RIPK2: variants seen among roughly 807,000 people sequenced by gnomAD.
The protein encoded by RIPK2 is receptor-interacting serine/threonine-protein kinase 2.
In RIPK2, 38 loss-of-function variants were observed where a neutral mutation model predicts 60.9. The observed-to-expected ratio is 0.62, with a 90% CI of 0.48 to 0.82. The LOEUF (loss-of-function observed/expected upper bound fraction) is 0.82, where lower values mean the gene tolerates loss of function less well. Among genes scored for constraint, RIPK2 ranks in the 40% least tolerant of loss-of-function variants. The probability of loss-of-function intolerance (pLI) is 0.00; values close to 1 mark genes in which losing one functional copy is unlikely to be tolerated. For synonymous variants in RIPK2, 225 were observed against 223.4 expected (o/e 1.01, Z -0.06); for missense variants, 518 against 647.0 (o/e 0.80, Z 2.16).
In RIPK2 at chr8:89,791,019, C is replaced by T. The variant is rs201173525; in HGVS notation, c.*603C>T. The T allele has an allele frequency of 1.3e-5, 2 of 152,154 alleles. No homozygotes were observed. Among genetic ancestry groups the T allele is most frequent in the Non-Finnish European group, 2.9e-5 (2 of 68,022 alleles). 9.4% of individuals were successfully genotyped at this position (152,154 alleles called of 1,614,324 possible). A position where few individuals can be genotyped will look rare whatever the true frequency, so the allele number is the denominator to read the frequency against. ...CCATTTTTAACCTCAGCCTTCCCTA[C>T]TGTCACCAACAACCAAGCTAAATAA... is the stretch of plus-strand genomic sequence containing the variant. On this transcript the variant is annotated 3_prime_UTR_variant, in exon 11 of 11. Coordinates refer to ENST00000220751, the MANE Select transcript of RIPK2 (RefSeq NM_003821.6).
chr8:89,780,141 T>G lies in RIPK2; in HGVS notation c.920T>G (p.Ile307Ser). The G allele has an allele frequency of 6.4e-7, 1 of 1,563,164 alleles. No homozygotes were observed. The change falls in exon 7 of 11, where the codon ATT (isoleucine) becomes AGT (serine). Residue 307 changes from isoleucine (I) to serine (S), a missense_variant. Physicochemically the swap from Ile to Ser is moderately radical, Grantham distance 142. Transcript: ENST00000220751. ...GAGATAACTTTTCTTGAAGCTGTTATTCAGCTAAAGAAAACAAAGGTAAGT... is the reference window on the plus strand; with the variant it reads ...GAGATAACTTTTCTTGAAGCTGTTAGTCAGCTAAAGAAAACAAAGGTAAGT... ...FEEITFLEAVIQLKKTKLQSV... is the reference protein window; with the variant it reads ...FEEITFLEAVSQLKKTKLQSV...
At position 89,757,882 on chromosome 8, in the gene RIPK2, G is replaced by C. The variant is rs1477117929; in HGVS notation, c.-179G>C. The C allele has an allele frequency of 2.9e-6, 4 of 1,368,754 alleles. No homozygotes were observed. The highest frequency in any genetic ancestry group is 3.8e-6 in the Non-Finnish European group (4 of 1,062,518). The allele number at this position is 1,368,754 out of a possible 1,614,324, so 84.8% of individuals were successfully genotyped here. ...AAGTCAGCTCTGGTTCGGAGAAGCA[G>C]CGGCTGGCGTGGGCCATCCGGGGAA... On this transcript the variant is annotated 5_prime_UTR_variant, in exon 1 of 11. Coordinates refer to ENST00000220751, the MANE Select transcript of RIPK2 (RefSeq NM_003821.6).
intron 6 of RIPK2, among the ~76,000 whole-genome samples, chr8:89,776,457 A>G (rs1028315268): frequency 2.0e-5 from 3 of 152,212 alleles, no homozygotes; most frequent in African/African-American, 7.2e-5. Flanking sequence ...AAAACCAAGG[A>G]ATTTTAAAAT....
chr8:89,784,071 A>G lies in RIPK2; in HGVS notation c.961A>G (p.Ile321Val), dbSNP rs1347847534. The change falls in exon 8 of 11, where the codon ATT (isoleucine) becomes GTT (valine). Residue 321 changes from isoleucine (I) to valine (V), a missense_variant. Coordinates refer to ENST00000220751, the MANE Select transcript of RIPK2 (RefSeq NM_003821.6). Reference sequence around the variant, plus strand: ...ACAGTTACAGAGTGTTTCAAGTGCCATTCACCTATGTGACAAGAAGAAAAT... The same window carrying G: ...ACAGTTACAGAGTGTTTCAAGTGCCGTTCACCTATGTGACAAGAAGAAAAT... ...KTKLQSVSSAIHLCDKKKMEL... is the reference protein window; with the variant it reads ...KTKLQSVSSAVHLCDKKKMEL... 1.3e-6 allele frequency: 2 copies of G among 1,583,558 alleles called. No homozygotes were observed. Among genetic ancestry groups the G allele is most frequent in the Non-Finnish European group, 1.7e-6 (2 of 1,160,140 alleles).
chr8:89,759,786 T>G (rs1563608546), intron 1 of RIPK2, among the ~76,000 whole-genome samples: 1 of 152,200 alleles, frequency 6.6e-6, no homozygotes, highest in Non-Finnish European at 1.5e-5. Context: ...AAACACTATA[T>G]GGAAATGTAG....
Position 89,757,960 on chromosome 8 carries a change from G to T in RIPK2, c.-101G>T, listed in dbSNP as rs1257191234. On this transcript the variant is annotated 5_prime_UTR_variant, in exon 1 of 11. Transcript: ENST00000220751. ...GGGCAAAAAGGGTCTTGCCGGCCTC[G>T]CTCGTGCAGGGGCGTATCTGGGCGC... is the stretch of plus-strand genomic sequence containing the variant. The T allele has an allele frequency of 7.1e-7, 1 of 1,413,792 alleles. No homozygotes were observed. Among genetic ancestry groups the T allele is most frequent in the African/African-American group, 1.5e-5 (1 of 67,376 alleles). The allele number at this position is 1,413,792 out of a possible 1,614,324, so 87.6% of individuals were successfully genotyped here.
chr8:89,780,120 T>G lies in RIPK2; in HGVS notation c.899T>G (p.Ile300Arg), dbSNP rs113501262. 6.3e-6 allele frequency: 10 copies of G among 1,575,450 alleles called. No homozygotes were observed. The African/African-American group carries it at 1.1e-4, about 17-fold the overall frequency. ...CCAGTTTTGAGAACATTTGAAGAGA[T>G]AACTTTTCTTGAAGCTGTTATTCAG... The part of the protein sequence containing the change: ...LEPVLRTFEE[I>R]TFLEAVIQLK... The change falls in exon 7 of 11, where the codon ATA becomes AGA. Residue 300 changes from isoleucine to arginine, a missense_variant. Coordinates refer to ENST00000220751, the MANE Select transcript of RIPK2 (RefSeq NM_003821.6).
chr8:89,768,845 T>TA (rs1249336873), intron 3 of RIPK2, among the ~76,000 whole-genome samples: 1 of 151,690 alleles, frequency 6.6e-6, no homozygotes, highest in Non-Finnish European at 1.5e-5. Context: ...TTAAAATTGG[T>TA]AAAAAATATA....
Position 89,789,307 on chromosome 8 carries a change from G to GT in RIPK2, c.1124-12dup, listed in dbSNP as rs760902384. ...GGAGTATTCTACTTCTAATGAAGATGTTGTATTTTGTAGGAAAAGCTCAAG... is the reference window on the plus strand; with the variant it reads ...GGAGTATTCTACTTCTAATGAAGATGTTTGTATTTTGTAGGAAAAGCTCAAG... On this transcript the variant is annotated splice_polypyrimidine_tract_variant and intron_variant, in intron 9 of 10. Transcript: ENST00000220751. 16 of 1,610,676 alleles carry GT rather than the reference G, an allele frequency of 9.9e-6. No homozygotes were observed. Among genetic ancestry groups the GT allele is most frequent in the Non-Finnish European group, 5.9e-6 (7 of 1,177,582 alleles).
chr8:89,772,627 T>C, intron 5 of RIPK2, 40 bp from the exon 6 acceptor site: 1 of 1,409,444 alleles, frequency 7.1e-7, no homozygotes, highest in Non-Finnish European at 9.8e-7. Flanking sequence ...TGCTTAATCA[T>C]AATATATTAC....
chr8:89,762,532 T>G (rs959330519), intron 1 of RIPK2, among the ~76,000 whole-genome samples: 4 of 152,200 alleles, frequency 2.6e-5, no homozygotes, highest in Non-Finnish European at 5.9e-5. Context: ...CTTTATAAAT[T>G]TAATACTATG....
At chr8:89,758,425 A>T in intron 1 of RIPK2, among the ~76,000 whole-genome samples, 192 bp downstream of exon 1, 1 of 152,230 alleles carries the variant, frequency 6.6e-6, no homozygotes, top group East Asian at 1.9e-4. Context: ...CGTAGGGAGC[A>T]CAGGCTTCTC....
At chr8:89,766,188 T>A (rs1809227135) in intron 3 of RIPK2, among the ~76,000 whole-genome samples, 1 of 151,914 alleles carries the variant, frequency 6.6e-6, no homozygotes, top group Non-Finnish European at 1.5e-5. Context: ...TTGTTTTTTA[T>A]TGATAAGTAG....
Position 89,780,168 on chromosome 8 carries a change from G to T in RIPK2, c.939+8G>T, listed in dbSNP as rs1272671389. ...CAGCTAAAGAAAACAAAGGTAAGTT[G>T]CTAAATGAAATGCTGGAAATTAGAA... On this transcript the variant is annotated splice_region_variant and intron_variant, in intron 7 of 10. Coordinates refer to ENST00000220751, the MANE Select transcript of RIPK2 (RefSeq NM_003821.6). 7.1e-7 allele frequency: 1 copy of T among 1,414,748 alleles called. No individual in the cohort carries two copies. Among genetic ancestry groups the T allele is most frequent in the South Asian group, 1.3e-5 (1 of 79,062 alleles). 87.6% of individuals were successfully genotyped at this position (1,414,748 alleles called of 1,614,324 possible). A position where few individuals can be genotyped will look rare whatever the true frequency, so the allele number is the denominator to read the frequency against.
intron 6 of RIPK2, among the ~76,000 whole-genome samples, chr8:89,773,249 T>C (rs939123919): frequency 1.3e-5 from 2 of 151,966 alleles, no homozygotes; most frequent in African/African-American, 4.8e-5. Flanking sequence ...AGCAAGGTAA[T>C]AGACTAATTA....
intron 6 of RIPK2, among the ~76,000 whole-genome samples, chr8:89,774,648 A>C (rs954514598): frequency 6.6e-6 from 1 of 152,166 alleles, no homozygotes; most frequent in African/African-American, 2.4e-5. Flanking sequence ...TACTGCTGCT[A>C]CTACTACAAC....
rs201625891 is a variant in RIPK2 at position 89,758,096 on chromosome 8, C to A, written c.36C>A (p.Thr12=). ...NGEAICSALP[T]IPYHKLADLR... is the part of the protein sequence containing the mutation. ...AGGCCATCTGCAGCGCCCTGCCCAC[C>A]ATTCCCTACCACAAACTCGCCGACC... Residue 12 remains threonine (T), a synonymous_variant, in exon 1 of 11, where the codon ACC becomes ACA. Coordinates refer to ENST00000220751, the MANE Select transcript of RIPK2 (RefSeq NM_003821.6). 13 of 1,607,612 alleles carry A rather than the reference C, an allele frequency of 8.1e-6. No individual in the cohort carries two copies. Among genetic ancestry groups the A allele is most frequent in the Non-Finnish European group, 1.1e-5 (13 of 1,177,514 alleles).
At chr8:89,779,955 A>G in intron 6 of RIPK2, 120 bp from the exon 7 acceptor site, 1 of 603,424 alleles carries the variant, frequency 1.7e-6, no homozygotes, top group Non-Finnish European at 3.0e-6. Flanking sequence ...CTCGTAAAAC[A>G]GCTGAATGTC....
intron 6 of RIPK2, among the ~76,000 whole-genome samples, chr8:89,778,927 A>G (rs762341092): frequency 1.3e-5 from 2 of 152,190 alleles, no homozygotes; most frequent in Non-Finnish European, 1.5e-5. Context: ...CCCACCAGCA[A>G]TGTATGAGGT....
Sources: gnomAD v4.1 joint callset for allele counts (sites outside exome capture counted in the v4.1 genomes callset) on GRCh38, gnomAD v4.1.1 for gene constraint, MANE v1.5 for transcripts, NCBI Gene and HGNC (gene_info 2026-07-23, HGNC 2026-07-21) for gene names.